DNER: variants seen among roughly 807,000 people sequenced by gnomAD.
DNER encodes delta/notch like EGF repeat containing.
In DNER, 33 loss-of-function variants were observed where a neutral mutation model predicts 78.2. The ratio of observed to expected loss-of-function variants is 0.42; its 90% CI spans 0.32 to 0.56. The LOEUF is 0.56. DNER is among the 20% of genes least tolerant of loss of function. The probability of loss-of-function intolerance (pLI) is 0.11; values close to 1 mark genes in which losing one functional copy is unlikely to be tolerated. For missense variants in DNER, 918 were observed against 975.3 expected, an observed-to-expected ratio of 0.94 and a Z score of 0.78; for synonymous variants, 417 against 384.8, an observed-to-expected ratio of 1.08 and a Z score of -0.98.
At chr2:229,690,295 T>C in intron 1 of DNER, among the ~76,000 whole-genome samples, 1 of 152,210 alleles carries the variant, frequency 6.6e-6, no homozygotes, top group East Asian at 1.9e-4. Flanking sequence ...TGTTTTTTCT[T>C]CTTTTGCCTA....
chr2:229,407,946 A>G (rs1412479767), intron 9 of DNER, among the ~76,000 whole-genome samples: 1 of 152,172 alleles, frequency 6.6e-6, no homozygotes, highest in Non-Finnish European at 1.5e-5. Flanking sequence ...GTCGAAGATC[A>G]CAAGCCTGGT....
At chr2:229,623,203 G>A (rs952311603) in intron 1 of DNER, among the ~76,000 whole-genome samples, 9 of 152,006 alleles carry the variant, frequency 5.9e-5, no homozygotes, top group African/African-American at 1.7e-4. Context: ...CTCGCCCTAC[G>A]ACAATCACCG....
intron 8 of DNER, among the ~76,000 whole-genome samples, chr2:229,441,867 C>A (rs973336192): frequency 6.6e-6 from 1 of 152,208 alleles, no homozygotes; most frequent in East Asian, 1.9e-4. Flanking sequence ...CTAACGACCT[C>A]AAGGTCTACC....
At chr2:229,682,924 C>T (rs1699411087) in intron 1 of DNER, among the ~76,000 whole-genome samples, 3 of 152,124 alleles carry the variant, frequency 2.0e-5, no homozygotes, top group South Asian at 2.1e-4. Flanking sequence ...GACTGGTTAT[C>T]AGCAAGGGTT....
intron 10 of DNER, among the ~76,000 whole-genome samples, chr2:229,394,911 C>T (rs1490953739): frequency 6.6e-6 from 1 of 152,244 alleles, no homozygotes; most frequent in Non-Finnish European, 1.5e-5. Flanking sequence ...TCTCCATTTA[C>T]ATCTGTCTGT....
At chr2:229,668,534 GTGTATATATATATATATATATA>G (rs1386915012) in intron 1 of DNER, among the ~76,000 whole-genome samples, 164 of 4,970 alleles carry the variant, frequency 0.033, 7 homozygotes, top group African/African-American at 0.047. Flanking sequence ...GTGTGTGTGT[GTGTATATATATATATATATATA>G]TATATATATA....
At chr2:229,612,018 G>A (rs576599688) in intron 1 of DNER, among the ~76,000 whole-genome samples, 31 of 152,300 alleles carry the variant, frequency 2.0e-4, no homozygotes, top group Non-Finnish European at 3.7e-4. Flanking sequence ...CAATCACAGC[G>A]TGGATTAAGG....
intron 10 of DNER, among the ~76,000 whole-genome samples, chr2:229,403,688 G>A (rs1693319316): frequency 6.6e-6 from 1 of 152,064 alleles, no homozygotes; most frequent in South Asian, 2.1e-4. Context: ...GATCAGGGTG[G>A]GTCTCATGAA....
At chr2:229,688,724 T>C (rs1048247381) in intron 1 of DNER, among the ~76,000 whole-genome samples, 6 of 152,142 alleles carry the variant, frequency 3.9e-5, no homozygotes, top group African/African-American at 1.4e-4. Context: ...AACCTATTCA[T>C]GGTAGCAAAG....
intron 11 of DNER, among the ~76,000 whole-genome samples, chr2:229,368,373 A>AAAAC (rs1692399063): frequency 6.6e-6 from 1 of 152,156 alleles, no homozygotes; most frequent in Non-Finnish European, 1.5e-5. Context: ...AAAAGAAGAA[A>AAAAC]AAACACACAC....
chr2:229,375,336 G>A (rs1340596980), intron 11 of DNER, among the ~76,000 whole-genome samples: 1 of 152,160 alleles, frequency 6.6e-6, no homozygotes, highest in African/African-American at 2.4e-5. Context: ...CTAAGGCTCA[G>A]AGACCTTGTT....
intron 11 of DNER, among the ~76,000 whole-genome samples, chr2:229,371,985 G>A (rs923702918): frequency 2.6e-5 from 4 of 152,166 alleles, no homozygotes; most frequent in Non-Finnish European, 5.9e-5. Context: ...AGGTTAGCAG[G>A]ACAATCAAAG....
chr2:229,487,939 C>A (rs1695312315), intron 6 of DNER, among the ~76,000 whole-genome samples: 1 of 152,228 alleles, frequency 6.6e-6, no homozygotes, highest in Non-Finnish European at 1.5e-5. Flanking sequence ...CCCCAATCCA[C>A]AAACCAAAGA....
At chr2:229,472,663 C>T (rs542238577) in intron 7 of DNER, among the ~76,000 whole-genome samples, 160 of 152,192 alleles carry the variant, frequency 1.1e-3, no homozygotes, top group Middle Eastern at 3.4e-3. Flanking sequence ...AAACCAAATA[C>T]GAAGACAATA....
intron 5 of DNER, among the ~76,000 whole-genome samples, chr2:229,520,032 C>T (rs1266742002): frequency 1.3e-5 from 2 of 152,164 alleles, no homozygotes; most frequent in Admixed American, 1.3e-4. Context: ...CGCCTAATTG[C>T]TCCTGAACAG....
At chr2:229,713,106 G>A (rs73097231) in intron 1 of DNER, among the ~76,000 whole-genome samples, 22,651 of 152,100 alleles carry the variant, frequency 0.15, 1,837 homozygotes, top group African/African-American at 0.21. Context: ...TAAATGTAAG[G>A]AAGATAGTAT....
At chr2:229,537,257 T>C (rs546403311) in intron 5 of DNER, among the ~76,000 whole-genome samples, 1 of 152,340 alleles carries the variant, frequency 6.6e-6, no homozygotes, top group South Asian at 2.1e-4. Context: ...AATGTATTTC[T>C]ACCTGCTGCC....
intron 1 of DNER, among the ~76,000 whole-genome samples, chr2:229,647,092 A>T (rs545659785): frequency 6.6e-6 from 1 of 152,284 alleles, no homozygotes; most frequent in Non-Finnish European, 1.5e-5. Context: ...GCTTGAACCC[A>T]GGAGGAGGAG....
intron 9 of DNER, among the ~76,000 whole-genome samples, chr2:229,412,553 A>C (rs1219709828): frequency 6.6e-6 from 1 of 152,236 alleles, no homozygotes; most frequent in Non-Finnish European, 1.5e-5. Flanking sequence ...GTCATGGCAA[A>C]TAGAAAGAAA....
Sources: gnomAD v4.1 joint callset for allele counts (sites outside exome capture counted in the v4.1 genomes callset) on GRCh38, gnomAD v4.1.1 for gene constraint, MANE v1.5 for transcripts, NCBI Gene and HGNC (gene_info 2026-07-23, HGNC 2026-07-21) for gene names.